The following TLE2 variants were observed in gnomAD, a reference collection of about 807,000 sequenced individuals.
TLE2 encodes TLE family member 2, transcriptional corepressor, also known as transducin-like enhancer protein 2.
A neutral mutation model predicts 97.2 loss-of-function variants in TLE2; 74 were observed. That is an observed-to-expected ratio of 0.76 (90% CI 0.63 to 0.92). The LOEUF is 0.92. Among genes scored for constraint, TLE2 ranks in the 40% least tolerant of loss-of-function variants. TLE2 has a pLI of 0.00. For missense variants in TLE2, 1,038 were observed against 1,008.7 expected (o/e 1.03, Z -0.39); for synonymous variants, 499 against 432.1 (o/e 1.15, Z -1.92).
At position 3,008,965 on chromosome 19, in the gene TLE2, G is replaced by C; in HGVS notation, c.1174-20C>G. Reference sequence around the variant, plus strand: ...TGCCATCTGTGAGAATGCCAGGGGGGTGTCAGTGAGGCAGGTGACTCCAAC... The same window carrying C: ...TGCCATCTGTGAGAATGCCAGGGGGCTGTCAGTGAGGCAGGTGACTCCAAC... On this transcript the variant is annotated intron_variant, in intron 13 of 19. Coordinates refer to ENST00000262953, the MANE Select transcript of TLE2 (RefSeq NM_003260.5). The C allele has an allele frequency of 6.4e-7, 1 of 1,556,464 alleles. No individual in the cohort carries two copies. Among genetic ancestry groups the C allele is most frequent in the Admixed American group, 1.9e-5 (1 of 53,056 alleles).
At chr19:3,028,214 G>T in intron 3 of TLE2, 105 bp downstream of exon 3, 5 of 1,198,054 alleles carry the variant, frequency 4.2e-6, no homozygotes, top group South Asian at 2.6e-5. Context: ...ATGTACAGAC[G>T]GGGAAGACGA....
chr19:3,044,086 T>G (rs1471011895), intron 1 of TLE2, among the ~76,000 whole-genome samples: 1 of 151,696 alleles, frequency 6.6e-6, no homozygotes, highest in Non-Finnish European at 1.5e-5. Context: ...GGCAGGAGAA[T>G]GGCTTGAACC....
At chr19:3,001,783 TTTTC>T (rs1005711691) in intron 18 of TLE2, among the ~76,000 whole-genome samples, 4 of 139,944 alleles carry the variant, frequency 2.9e-5, no homozygotes, top group Non-Finnish European at 6.1e-5. Flanking sequence ...CTTAAATTTC[TTTTC>T]TTTCTTTTTT....
chr19:3,015,714 G>A lies in TLE2; in HGVS notation c.617C>T (p.Pro206Leu), dbSNP rs768379751. 1.7e-5 allele frequency: 28 copies of A among 1,611,240 alleles called. No individual in the cohort carries two copies. The highest frequency in any genetic ancestry group is 4.0e-5 in the African/African-American group (3 of 74,806). ...PPESLVEEER[P>L]SGPGGGGKQR... ...CTTCCCGCCACCACCAGGGCCACTCGGTCGCTCCTCCTCCACGAGACTCTC... is the reference window on the plus strand; with the variant it reads ...CTTCCCGCCACCACCAGGGCCACTCAGTCGCTCCTCCTCCACGAGACTCTC... The change falls in exon 9 of 20, where the codon CCG becomes CTG. Residue 206 changes from proline to leucine, a missense_variant. Coordinates refer to ENST00000262953, the MANE Select transcript of TLE2 (RefSeq NM_003260.5).
chr19:3,008,315 AG>A (rs1216493169), intron 14 of TLE2, among the ~76,000 whole-genome samples: 1 of 152,178 alleles, frequency 6.6e-6, no homozygotes, highest in Non-Finnish European at 1.5e-5. Context: ...ACTCCAGGCC[AG>A]GAACGTCTCC....
At chr19:3,038,771 G>A (rs532349697) in intron 1 of TLE2, among the ~76,000 whole-genome samples, 7 of 152,270 alleles carry the variant, frequency 4.6e-5, no homozygotes, top group South Asian at 2.1e-4. Context: ...AAGGCCGGGC[G>A]CAGTGGCTCA....
rs553744876 is a variant in TLE2, at chr19:3,009,786, C to T, written c.1013-84G>A. ...CTGCCTTGGGAGCTCCCTGGCCTTT[C>T]ATTTAGAGTTTCCATGTGCTGGTTC... is the stretch of plus-strand genomic sequence containing the variant. On this transcript the variant is annotated intron_variant, in intron 12 of 19. Transcript: ENST00000262953. The T allele has an allele frequency of 2.1e-5, 32 of 1,506,390 alleles. 2 individuals are homozygous for T. In the South Asian group the frequency reaches 3.7e-4, roughly 17 times the overall value. 93.3% of individuals were successfully genotyped at this position (1,506,390 alleles called of 1,614,324 possible).
chr19:3,021,111 AAAAGG>A lies in TLE2; in HGVS notation c.295-1343_295-1339del, dbSNP rs1208630777. On this transcript the variant is annotated intron_variant, in intron 5 of 19. Transcript: ENST00000262953. ...CTCAAAAAAAAAAAAAAAAAAAAAA[AAAAGG>A]GGGGGGGGTGCTGAGCGTGGTGACT... is the stretch of plus-strand genomic sequence containing the variant. 2.3e-3 allele frequency among the ~76,000 whole-genome samples: 238 copies of A among 105,156 alleles called. 6 individuals are homozygous for A. Among genetic ancestry groups the A allele is most frequent in the South Asian group, 4.2e-3 (11 of 2,616 alleles). The allele number at this position is 105,156 out of a possible 152,430, so 69.0% of individuals were successfully genotyped here.
intron 15 of TLE2, 55 bp downstream of exon 15, chr19:3,006,365 C>T (rs2089477651): frequency 6.3e-7 from 1 of 1,577,682 alleles, no homozygotes; most frequent in Non-Finnish European, 8.6e-7. Context: ...CCCATTGGAA[C>T]ATAAGCCCCA....
upstream of TLE2, chr19:3,029,563 G>GT (rs1599248853): frequency 3.8e-6 from 2 of 521,418 alleles, no homozygotes; most frequent in East Asian, 1.3e-4. Context: ...GGGAGCGGGG[G>GT]GGGGGGCTTG....
chr19:2,998,556 G>A lies in TLE2; in HGVS notation c.2125-601C>T, dbSNP rs145746063. 3.8e-3 allele frequency among the ~76,000 whole-genome samples: 581 copies of A among 152,132 alleles called. 7 individuals carry two copies. The highest frequency in any genetic ancestry group is 0.013 in the African/African-American group (556 of 41,514). On this transcript the variant is annotated intron_variant, in intron 19 of 19. Transcript: ENST00000262953. ...GTCTCCCAAAGTGTTGAGATTACACGCATGAGCCACCGCACCCGGCCTAAT... is the reference window on the plus strand; with the variant it reads ...GTCTCCCAAAGTGTTGAGATTACACACATGAGCCACCGCACCCGGCCTAAT...
chr19:3,003,187 C>T (rs1208234665), intron 17 of TLE2, among the ~76,000 whole-genome samples: 1 of 152,206 alleles, frequency 6.6e-6, no homozygotes, highest in Non-Finnish European at 1.5e-5. Context: ...GCTGCACATC[C>T]ATTATCTGCT....
intron 1 of TLE2, among the ~76,000 whole-genome samples, chr19:3,035,422 G>C (rs2090054538): frequency 6.6e-6 from 1 of 151,978 alleles, no homozygotes; most frequent in African/African-American, 2.4e-5. Context: ...CATCAGGGAA[G>C]AAGCTGCCAG....
In TLE2 at chr19:3,005,774, G is replaced by A. The variant is rs573784360; in HGVS notation, c.1695C>T (p.Cys565=). The change falls in exon 16 of 20, where the codon TGC becomes TGT. Residue 565 remains cysteine (C), a synonymous_variant. Transcript: ENST00000262953. Reference sequence around the variant, plus strand: ...AGACCACAATGTTGCCATCGCTGCAGCAGGAGAAGCAAACCTTGGCGTCGG... The same window carrying A: ...AGACCACAATGTTGCCATCGCTGCAACAGGAGAAGCAAACCTTGGCGTCGG... ...VSPDAKVCFS[C]CSDGNIVVWD... is the part of the protein sequence containing the mutation. 2 of 1,613,970 alleles carry A rather than the reference G, an allele frequency of 1.2e-6. No homozygotes were observed. Among genetic ancestry groups the A allele is most frequent in the South Asian group, 2.2e-5 (2 of 91,086 alleles).
chr19:3,045,307 C>A (rs1388812510), intron 1 of TLE2, among the ~76,000 whole-genome samples: 1 of 152,164 alleles, frequency 6.6e-6, no homozygotes, highest in Non-Finnish European at 1.5e-5. Flanking sequence ...AAAGGCCCTA[C>A]CTGGGACCAT....
chr19:3,024,805 C>T (rs1357941793), intron 5 of TLE2, among the ~76,000 whole-genome samples: 1 of 152,256 alleles, frequency 6.6e-6, no homozygotes, highest in African/African-American at 2.4e-5. Context: ...CCCCAGTCCT[C>T]ACCCTCAGCC....
At chr19:3,037,264 AAC>A (rs1456983166) in intron 1 of TLE2, among the ~76,000 whole-genome samples, 3 of 152,244 alleles carry the variant, frequency 2.0e-5, no homozygotes, top group African/African-American at 7.2e-5. Flanking sequence ...TAGCCTGGAC[AAC>A]AGAGTGAGAC....
At chr19:3,041,765 T>C (rs72973273) in intron 1 of TLE2, among the ~76,000 whole-genome samples, 9,599 of 152,254 alleles carry the variant, frequency 0.063, 377 homozygotes, top group Admixed American at 0.11. Context: ...AATACAGGAA[T>C]GAAAGGCCCG....
intron 14 of TLE2, among the ~76,000 whole-genome samples, 180 bp from the exon 15 acceptor site, chr19:3,006,849 C>T (rs2089490976): frequency 6.6e-6 from 1 of 152,188 alleles, no homozygotes; most frequent in Non-Finnish European, 1.5e-5. Context: ...GTGGCCCGAT[C>T]TCAGCTCACT....
Sources: allele counts gnomAD v4.1 joint callset (sites outside exome capture counted in the v4.1 genomes callset), GRCh38; gene constraint gnomAD v4.1.1; transcripts MANE v1.5; gene names NCBI Gene and HGNC (gene_info 2026-07-23, HGNC 2026-07-21).